Variants in C9 observed in about 807,000 individuals in gnomAD.
C9 encodes the protein complement C9, also known as complement component C9.
Under a neutral mutation model 65.4 loss-of-function variants are expected in C9, and 63 were observed. The observed-to-expected ratio is 0.96, with a 90% confidence interval of 0.79 to 1.19. C9 has a LOEUF of 1.19. Ranked by LOEUF, C9 falls within the 50% of genes most tolerant of loss-of-function variation. C9 has a pLI of 0.00. For synonymous variants in C9, 229 were observed against 227.9 expected, an observed-to-expected ratio of 1.00 and a Z score of -0.04; for missense variants, 744 against 670.1, an observed-to-expected ratio of 1.11 and a Z score of -1.22.
chr5:39,284,486 A>G lies in C9; in HGVS notation c.*713T>C, dbSNP rs1244564006. 1 of 152,232 alleles carries G rather than the reference A, an allele frequency of 6.6e-6. No homozygotes were observed. The highest frequency in any genetic ancestry group is 2.4e-5 in the African/African-American group (1 of 41,468). 9.4% of individuals were successfully genotyped at this position (152,232 alleles called of 1,614,324 possible). A position where few individuals can be genotyped will look rare whatever the true frequency, so the allele number is the denominator to read the frequency against. ...TATGATCAAATAGAAGGAATTTCAC[A>G]TAATTTAAACTAATAGTTTATGTTC... On this transcript the variant is annotated 3_prime_UTR_variant, in exon 11 of 11. Coordinates refer to ENST00000263408, the MANE Select transcript of C9 (RefSeq NM_001737.5).
intron 7 of C9, among the ~76,000 whole-genome samples, chr5:39,310,810 A>C (rs1177191497): frequency 6.6e-6 from 1 of 152,188 alleles, no homozygotes; most frequent in Non-Finnish European, 1.5e-5. Flanking sequence ...AGTAGGTTAT[A>C]CAAATTATGT....
At position 39,321,181 on chromosome 5, in the gene C9, G is replaced by A. The variant is rs551222496; in HGVS notation, c.616-5152C>T. Among the ~76,000 whole-genome samples, 461 of 152,094 alleles carry A rather than the reference G, an allele frequency of 3.0e-3. 3 individuals are homozygous for A. The highest frequency in any genetic ancestry group is 4.5e-3 in the Non-Finnish European group (306 of 67,966). ...TACAAATCAAGTATATCTGTAGTAT[G>A]AAAATTAAAAGACCACACTATTAGA... On this transcript the variant is annotated intron_variant, in intron 5 of 10. Coordinates refer to ENST00000263408, the MANE Select transcript of C9 (RefSeq NM_001737.5).
intron 9 of C9, among the ~76,000 whole-genome samples, chr5:39,302,463 G>A (rs1245295211): frequency 1.3e-5 from 2 of 152,070 alleles, no homozygotes; most frequent in South Asian, 2.1e-4. Context: ...GATAGAATGA[G>A]TGTTGTTTTT....
intron 1 of C9, among the ~76,000 whole-genome samples, chr5:39,347,029 A>G (rs1047629828): frequency 6.6e-6 from 1 of 152,230 alleles, no homozygotes; most frequent in African/African-American, 2.4e-5. Flanking sequence ...TCTAAAAATA[A>G]TAAGAGCTAT....
rs1449507507 is a variant in C9, at chr5:39,306,804, A to G, written c.1241-12T>C. 1 of 1,598,516 alleles carries G rather than the reference A, an allele frequency of 6.3e-7. No individual in the cohort carries two copies. Among genetic ancestry groups the G allele is most frequent in the Admixed American group, 1.7e-5 (1 of 59,954 alleles). On this transcript the variant is annotated splice_polypyrimidine_tract_variant and intron_variant, in intron 8 of 10. Transcript: ENST00000263408. ...ACTGGTGATGTTTACTGAGGAGAGA[A>G]GGAAGATTTAAAGAGAAGCAGAAGA...
chr5:39,352,994 T>C (rs778297239), intron 1 of C9, among the ~76,000 whole-genome samples: 4 of 152,174 alleles, frequency 2.6e-5, no homozygotes, highest in Non-Finnish European at 5.9e-5. Flanking sequence ...ATTATTTTGT[T>C]GGGCCCACTC....
intron 9 of C9, among the ~76,000 whole-genome samples, chr5:39,298,978 A>G (rs1274835933): frequency 6.6e-6 from 1 of 151,888 alleles, no homozygotes; most frequent in Non-Finnish European, 1.5e-5. Context: ...ATTCTTGGAC[A>G]AAATTCAACA....
intron 5 of C9, among the ~76,000 whole-genome samples, chr5:39,316,934 C>G (rs1228079463): frequency 6.6e-6 from 1 of 152,176 alleles, no homozygotes; most frequent in Non-Finnish European, 1.5e-5. Flanking sequence ...CTGTCTTCCA[C>G]AATAGTTGAA....
intron 1 of C9, among the ~76,000 whole-genome samples, chr5:39,358,556 C>A (rs1263336811): frequency 6.6e-6 from 1 of 152,128 alleles, no homozygotes; most frequent in African/African-American, 2.4e-5. Context: ...CCAATGATTT[C>A]TGTGGTTGCT....
At chr5:39,304,226 T>C (rs1753335992) in intron 9 of C9, among the ~76,000 whole-genome samples, 4 of 152,264 alleles carry the variant, frequency 2.6e-5, no homozygotes, top group Admixed American at 2.6e-4. Flanking sequence ...GTCACCTTTC[T>C]GGTCTTTCCT....
At chr5:39,355,898 G>A (rs700219) in intron 1 of C9, among the ~76,000 whole-genome samples, 57,698 of 151,768 alleles carry the variant, frequency 0.38, 10,981 homozygotes, top group Middle Eastern at 0.5. Context: ...GACACCAGTC[G>A]TATTGGATTA....
Position 39,342,132 on chromosome 5 carries a change from A to T in C9, c.142T>A (p.Trp48Arg). 6.2e-7 allele frequency: 1 copy of T among 1,610,334 alleles called. No individual in the cohort carries two copies. Among genetic ancestry groups the T allele is most frequent in the Non-Finnish European group, 8.5e-7 (1 of 1,176,546 alleles). The change falls in exon 2 of 11, where the codon TGG becomes AGG. Residue 48 changes from tryptophan (W) to arginine (R), a missense_variant. Physicochemically the swap from Trp to Arg is moderately radical, Grantham distance 101 (BLOSUM62 -3). Transcript: ENST00000263408. ...ASHIDCRMSP[W>R]SEWSQCDPCL... The stretch of plus-strand genomic sequence containing the variant: ...GGATCGCATTGTGACCATTCACTCC[A>T]GGGGCTCATTCTGCAGTCTATGTGT...
chr5:39,303,705 A>G lies in C9; in HGVS notation c.1416+2912T>C, dbSNP rs551391241. 2.0e-5 allele frequency among the ~76,000 whole-genome samples: 3 copies of G among 152,156 alleles called. No homozygotes were observed. In the East Asian group the frequency reaches 5.8e-4, roughly 29 times the overall value. On this transcript the variant is annotated intron_variant, in intron 9 of 10. Coordinates refer to ENST00000263408, the MANE Select transcript of C9 (RefSeq NM_001737.5). ...CTTTGTAATATTGAGAAAAAAATCA[A>G]TTCTCAGCTGGGGTCACTGTCTGCA...
intron 1 of C9, among the ~76,000 whole-genome samples, chr5:39,351,398 C>T (rs577137439): frequency 6.6e-6 from 1 of 152,196 alleles, no homozygotes; most frequent in African/African-American, 2.4e-5. Context: ...TGGAATTTCT[C>T]CCCAGAAAAT....
chr5:39,287,388 T>C (rs1442208162), intron 10 of C9, among the ~76,000 whole-genome samples: 1 of 151,870 alleles, frequency 6.6e-6, no homozygotes, highest in Non-Finnish European at 1.5e-5. Flanking sequence ...ATAGAGATGA[T>C]TTCTCAAAAA....
At chr5:39,364,107 A>T (rs1754572340) in intron 1 of C9, among the ~76,000 whole-genome samples, 1 of 152,214 alleles carries the variant, frequency 6.6e-6, no homozygotes, top group African/African-American at 2.4e-5. Flanking sequence ...ACTGGTGAAA[A>T]CAAGCTTTAT....
Position 39,306,698 on chromosome 5 carries a change from G to A in C9, c.1335C>T (p.Leu445=), listed in dbSNP as rs201248549. The stretch of plus-strand genomic sequence containing the variant: ...CAGTCACATCAATCACGGTTCCTCG[G>A]AGAAGCTTTTCTTTCAGTTCAAATG... ...KYAFELKEKL[L]RGTVIDVTDF... The change falls in exon 9 of 11, where the codon CTC becomes CTT. Residue 445 remains leucine, a synonymous_variant. Coordinates refer to ENST00000263408, the MANE Select transcript of C9 (RefSeq NM_001737.5). The A allele has an allele frequency of 1.2e-6, 2 of 1,613,438 alleles. No homozygotes were observed. Among genetic ancestry groups the A allele is most frequent in the Non-Finnish European group, 1.7e-6 (2 of 1,179,450 alleles).
At chr5:39,313,801 A>G (rs771595467) in intron 6 of C9, among the ~76,000 whole-genome samples, 4 of 152,158 alleles carry the variant, frequency 2.6e-5, no homozygotes, top group Non-Finnish European at 5.9e-5. Flanking sequence ...TCTTTTTCCC[A>G]AACTCCAGCC....
chr5:39,351,934 T>C (rs1245392570), intron 1 of C9, among the ~76,000 whole-genome samples: 1 of 152,206 alleles, frequency 6.6e-6, no homozygotes, highest in Non-Finnish European at 1.5e-5. Context: ...ACCAATTTTC[T>C]GTATTAGTCT....
Sources: allele counts gnomAD v4.1 joint callset (sites outside exome capture counted in the v4.1 genomes callset), GRCh38; gene constraint gnomAD v4.1.1; transcripts MANE v1.5; gene names NCBI Gene and HGNC (gene_info 2026-07-23, HGNC 2026-07-21).